Variants in CDH13 observed in about 807,000 individuals in gnomAD.
The protein encoded by CDH13 is cadherin-13.
Under a neutral mutation model 63.8 loss-of-function variants are expected in CDH13, and 24 were observed. That is an observed-to-expected ratio of 0.38 (90% CI 0.27 to 0.53). The LOEUF (loss-of-function observed/expected upper bound fraction) is 0.53. Among genes scored for constraint, CDH13 ranks in the 20% least tolerant of loss-of-function variants. The pLI, the probability that CDH13 is intolerant of heterozygous loss-of-function variation, is 0.85. For missense variants in CDH13, 1,049 were observed against 903.1 expected (o/e 1.16, Z -2.07); for synonymous variants, 503 against 355.3 (o/e 1.42, Z -4.67).
chr16:82,833,970 G>T (rs1047830222), intron 1 of CDH13, among the ~76,000 whole-genome samples: 3 of 152,134 alleles, frequency 2.0e-5, no homozygotes, highest in African/African-American at 7.2e-5. Flanking sequence ...TGTGGGTGGG[G>T]AATTGTCTCT....
At chr16:83,626,011 CTT>C (rs34252613) in intron 8 of CDH13, among the ~76,000 whole-genome samples, 11 of 137,360 alleles carry the variant, frequency 8.0e-5, no homozygotes, top group Admixed American at 1.5e-4. Context: ...AAGCTTGCTT[CTT>C]TTTTTTTTTT....
intron 2 of CDH13, among the ~76,000 whole-genome samples, chr16:82,986,093 C>G (rs1910903453): frequency 6.6e-6 from 1 of 152,184 alleles, no homozygotes. Flanking sequence ...TAAGAATGGA[C>G]TAATACAGTA....
chr16:82,751,653 G>A (rs1042960560), intron 1 of CDH13, among the ~76,000 whole-genome samples: 2 of 147,588 alleles, frequency 1.4e-5, no homozygotes, highest in South Asian at 2.1e-4. Context: ...ATATTAAATA[G>A]CAAATAAAAA....
intron 4 of CDH13, among the ~76,000 whole-genome samples, chr16:83,200,958 T>TGTGTGTGC (rs1301819709): frequency 6.8e-6 from 1 of 146,866 alleles, no homozygotes; most frequent in African/African-American, 2.6e-5. Context: ...TGTGTGTGTG[T>TGTGTGTGC]GTGTGTGTGT....
chr16:83,401,292 T>C (rs2091964505), intron 6 of CDH13, among the ~76,000 whole-genome samples: 1 of 149,778 alleles, frequency 6.7e-6, no homozygotes, highest in African/African-American at 2.5e-5. Flanking sequence ...TAAGCCGAGA[T>C]CACGCCATTG....
At chr16:83,437,496 T>G (rs959999414) in intron 6 of CDH13, among the ~76,000 whole-genome samples, 1 of 151,866 alleles carries the variant, frequency 6.6e-6, no homozygotes, top group Non-Finnish European at 1.5e-5. Flanking sequence ...GCTAACACAG[T>G]GAAACCCCGT....
intron 2 of CDH13, among the ~76,000 whole-genome samples, chr16:83,026,469 A>C (rs1328553631): frequency 6.6e-6 from 1 of 151,984 alleles, no homozygotes; most frequent in South Asian, 2.1e-4. Context: ...TATTTCCCCC[A>C]CAGGGGTGAA....
Position 83,000,223 on chromosome 16 carries a change from A to ATTT in CDH13, c.158-31748_158-31746dup, listed in dbSNP as rs746904500. On this transcript the variant is annotated intron_variant, in intron 2 of 13. Coordinates refer to ENST00000567109, the MANE Select transcript of CDH13 (RefSeq NM_001257.5). ...CTAGGAATATCCACAGGTTTAGCTT[A>ATTT]TTTTTTTTTTTTTTTTTTTTTTTTT... Among the ~76,000 whole-genome samples the ATTT allele has an allele frequency of 2.9e-3, 107 of 36,976 alleles. 13 individuals carry two copies. Among genetic ancestry groups the ATTT allele is most frequent in the Non-Finnish European group, 4.4e-3 (74 of 16,776 alleles). The allele number at this position is 36,976 out of a possible 152,430, so 24.3% of individuals were successfully genotyped here.
rs150772525 is a variant in CDH13 at position 83,151,969 on chromosome 16, A to C, written c.483+26468A>C. Among the ~76,000 whole-genome samples, 855 of 152,292 alleles carry C rather than the reference A, an allele frequency of 5.6e-3. 9 individuals are homozygous for C. The highest frequency in any genetic ancestry group is 0.022 in the East Asian group (114 of 5,188). On this transcript the variant is annotated intron_variant, in intron 4 of 13. Coordinates refer to ENST00000567109, the MANE Select transcript of CDH13 (RefSeq NM_001257.5). ...AAAAAAAAAAGAAAAGGAAAAGAAAAAAAAGAAAGTAAATCACTAAGTAGC... is the reference window on the plus strand; with the variant it reads ...AAAAAAAAAAGAAAAGGAAAAGAAACAAAAGAAAGTAAATCACTAAGTAGC...
At chr16:82,947,660 G>T (rs1904879216) in intron 2 of CDH13, among the ~76,000 whole-genome samples, 1 of 152,088 alleles carries the variant, frequency 6.6e-6, no homozygotes. Context: ...AATATCAAAA[G>T]CCATAACTAG....
intron 5 of CDH13, among the ~76,000 whole-genome samples, chr16:83,251,284 G>T (rs1905498297): frequency 6.6e-6 from 1 of 152,134 alleles, no homozygotes; most frequent in Non-Finnish European, 1.5e-5. Context: ...GAGAGAAAAA[G>T]CTCTATTTAA....
At chr16:83,384,326 C>A (rs1320350973) in intron 6 of CDH13, among the ~76,000 whole-genome samples, 2 of 152,186 alleles carry the variant, frequency 1.3e-5, no homozygotes, top group East Asian at 3.8e-4. Context: ...CTTCCCAGAG[C>A]CCCATATCCC....
chr16:83,442,255 T>C (rs917378640), intron 6 of CDH13, among the ~76,000 whole-genome samples: 2 of 152,164 alleles, frequency 1.3e-5, no homozygotes, highest in Non-Finnish European at 2.9e-5. Context: ...CAAGAAGGTA[T>C]TTGAGGTAGA....
intron 2 of CDH13, among the ~76,000 whole-genome samples, chr16:82,936,885 C>G (rs1054338941): frequency 2.0e-5 from 3 of 152,020 alleles, no homozygotes; most frequent in African/African-American, 7.3e-5. Context: ...TGGACTCCTC[C>G]CAGAGTTCAC....
chr16:83,718,140 G>A lies in CDH13; in HGVS notation c.1539-29968G>A, dbSNP rs187180203. Among the ~76,000 whole-genome samples, 36 of 152,292 alleles carry A rather than the reference G, an allele frequency of 2.4e-4. 1 individual carries two copies. Among genetic ancestry groups the A allele is most frequent in the South Asian group, 1.5e-3 (7 of 4,820 alleles). On this transcript the variant is annotated intron_variant, in intron 10 of 13. Coordinates refer to ENST00000567109, the MANE Select transcript of CDH13 (RefSeq NM_001257.5). ...GCAGAAAATCCCATAAAATACCAGC[G>A]GGAGAGCAGGAAGTGGGACAGGAGA...
intron 7 of CDH13, among the ~76,000 whole-genome samples, chr16:83,599,038 G>A (rs1256053996): frequency 6.6e-6 from 1 of 152,200 alleles, no homozygotes; most frequent in Admixed American, 6.5e-5. Flanking sequence ...CCCTAGATCA[G>A]GAGTGGGGTC....
At chr16:83,628,205 T>G (rs1442215506) in intron 8 of CDH13, among the ~76,000 whole-genome samples, 1 of 152,198 alleles carries the variant, frequency 6.6e-6, no homozygotes, top group Non-Finnish European at 1.5e-5. Flanking sequence ...CAGCCTTATT[T>G]CAGTCAGCCC....
rs971509448 is a variant in CDH13 at position 83,093,381 on chromosome 16, C to T, written c.367-32004C>T. On this transcript the variant is annotated intron_variant, in intron 3 of 13. Transcript: ENST00000567109. Reference sequence around the variant, plus strand: ...CCCGGCTGGAGTGCCGTGAGTGGCACAGTCTAGGCTGACTGCAACCTCCAC... The same window carrying T: ...CCCGGCTGGAGTGCCGTGAGTGGCATAGTCTAGGCTGACTGCAACCTCCAC... 3.4e-4 allele frequency among the ~76,000 whole-genome samples: 41 copies of T among 122,016 alleles called. 1 individual carries two copies. Among genetic ancestry groups the T allele is most frequent in the African/African-American group, 1.1e-3 (37 of 32,398 alleles). The allele number at this position is 122,016 out of a possible 152,430, so 80.0% of individuals were successfully genotyped here. A position where few individuals can be genotyped will look rare whatever the true frequency, so the allele number is the denominator to read the frequency against.
At chr16:82,915,124 C>T (rs2041947094) in intron 2 of CDH13, among the ~76,000 whole-genome samples, 1 of 152,186 alleles carries the variant, frequency 6.6e-6, no homozygotes, top group Non-Finnish European at 1.5e-5. Context: ...GAACTCAAGC[C>T]TGGATGCTCT....
Sources: gnomAD v4.1 joint callset for allele counts (sites outside exome capture counted in the v4.1 genomes callset) on GRCh38, gnomAD v4.1.1 for gene constraint, MANE v1.5 for transcripts, NCBI Gene and HGNC (gene_info 2026-07-23, HGNC 2026-07-21) for gene names.